MAGI2: variants seen among roughly 807,000 people sequenced by gnomAD.
MAGI2 encodes the protein membrane associated guanylate kinase, WW and PDZ domain containing 2, also known as membrane-associated guanylate kinase, WW and PDZ domain-containing protein 2.
A neutral mutation model predicts 133.3 loss-of-function variants in MAGI2; 35 were observed. The ratio of observed to expected loss-of-function variants is 0.26; its 90% CI spans 0.20 to 0.35. The LOEUF (loss-of-function observed/expected upper bound fraction) is 0.35. Among genes scored for constraint, MAGI2 ranks in the 10% least tolerant of loss-of-function variants. The pLI is 1.00. For synonymous variants in MAGI2, 729 were observed against 710.6 expected, an observed-to-expected ratio of 1.03 and a Z score of -0.41; for missense variants, 1,636 against 1,863.4, an observed-to-expected ratio of 0.88 and a Z score of 2.25.
At chr7:79,218,240 G>A (rs754929511) in intron 1 of MAGI2, among the ~76,000 whole-genome samples, 21 of 151,870 alleles carry the variant, frequency 1.4e-4, no homozygotes, top group African/African-American at 4.6e-4. Context: ...TGTTTCACAC[G>A]CCACACTGTA....
At chr7:78,545,453 C>CCACT (rs1798756004) in intron 3 of MAGI2, among the ~76,000 whole-genome samples, 1 of 151,884 alleles carries the variant, frequency 6.6e-6, no homozygotes, top group Non-Finnish European at 1.5e-5. Flanking sequence ...CCTCAGTGAT[C>CCACT]CACTCACCTC....
rs567986994 is a variant in MAGI2, at chr7:78,369,044, T to A, written c.1103+112A>T. 83 of 692,840 alleles carry A rather than the reference T, an allele frequency of 1.2e-4. No homozygotes were observed. The African/African-American group carries it at 1.5e-3, about 12-fold the overall frequency. 42.9% of individuals were successfully genotyped at this position (692,840 alleles called of 1,614,324 possible). ...GCTAGTCTTGGTGGATACTTCAAAGTAAGATGAAAGGGAAATGAAGGGGCT... is the reference window on the plus strand; with the variant it reads ...GCTAGTCTTGGTGGATACTTCAAAGAAAGATGAAAGGGAAATGAAGGGGCT... On this transcript the variant is annotated intron_variant, in intron 7 of 21. Coordinates refer to ENST00000354212, the MANE Select transcript of MAGI2 (RefSeq NM_012301.4).
intron 1 of MAGI2, among the ~76,000 whole-genome samples, chr7:79,050,203 G>A (rs950972001): frequency 6.6e-6 from 1 of 152,094 alleles, no homozygotes; most frequent in Non-Finnish European, 1.5e-5. Context: ...CCATGCACAC[G>A]TGGGGGCTGG....
chr7:78,447,645 G>T lies in MAGI2; in HGVS notation c.1045+42116C>A, dbSNP rs114072971. ...ACTAGCTCACCTGGGGACACAAACAGAGCAAAAGAGAAGAGGCCTAAGAAA... is the reference window on the plus strand; with the variant it reads ...ACTAGCTCACCTGGGGACACAAACATAGCAAAAGAGAAGAGGCCTAAGAAA... On this transcript the variant is annotated intron_variant, in intron 6 of 21. Transcript: ENST00000354212. Among the ~76,000 whole-genome samples the T allele has an allele frequency of 4.1e-3, 622 of 152,208 alleles. 6 individuals carry two copies. Among genetic ancestry groups the T allele is most frequent in the African/African-American group, 0.014 (586 of 41,548 alleles).
chr7:79,052,554 C>T (rs1260330251), intron 1 of MAGI2, among the ~76,000 whole-genome samples: 2 of 152,208 alleles, frequency 1.3e-5, no homozygotes, highest in Middle Eastern at 3.2e-3. Context: ...CCTTTCCACA[C>T]TGCATCTCAT....
At chr7:79,006,461 G>C (rs1173064868) in intron 2 of MAGI2, among the ~76,000 whole-genome samples, 1 of 152,100 alleles carries the variant, frequency 6.6e-6, no homozygotes, top group Non-Finnish European at 1.5e-5. Context: ...CAGGTGAGCT[G>C]TAACAGACAC....
At chr7:79,136,173 T>C (rs1369724879) in intron 1 of MAGI2, among the ~76,000 whole-genome samples, 1 of 151,948 alleles carries the variant, frequency 6.6e-6, no homozygotes, top group Non-Finnish European at 1.5e-5. Flanking sequence ...ACATTTAAAT[T>C]TACCAGAGGG....
At chr7:79,081,366 A>G (rs1399206938) in intron 1 of MAGI2, among the ~76,000 whole-genome samples, 1 of 152,176 alleles carries the variant, frequency 6.6e-6, no homozygotes, top group African/African-American at 2.4e-5. Flanking sequence ...GTGTTTATTT[A>G]TGCCTTCATA....
intron 2 of MAGI2, among the ~76,000 whole-genome samples, chr7:78,991,710 T>C (rs1208687846): frequency 6.6e-6 from 1 of 151,944 alleles, no homozygotes; most frequent in African/African-American, 2.4e-5. Flanking sequence ...TCCCTAATTA[T>C]CTTAGGCTCT....
intron 3 of MAGI2, among the ~76,000 whole-genome samples, chr7:78,535,155 A>G (rs1195704812): frequency 6.6e-6 from 1 of 152,186 alleles, no homozygotes; most frequent in Non-Finnish European, 1.5e-5. Flanking sequence ...AAATAAAAAA[A>G]TGAGTAAAAT....
At chr7:78,955,584 T>G (rs1802232476) in intron 2 of MAGI2, among the ~76,000 whole-genome samples, 5 of 152,056 alleles carry the variant, frequency 3.3e-5, no homozygotes, top group African/African-American at 1.2e-4. Context: ...TAGTACATAC[T>G]TTCATACTCA....
chr7:79,209,752 T>C (rs184630326), intron 1 of MAGI2, among the ~76,000 whole-genome samples: 9 of 152,164 alleles, frequency 5.9e-5, no homozygotes, highest in African/African-American at 2.2e-4. Flanking sequence ...AGAAAGTACA[T>C]TGTGCATATT....
intron 21 of MAGI2, chr7:78,039,592 C>CTT (rs1395136999): frequency 1.3e-5 from 2 of 152,342 alleles, no homozygotes; most frequent in African/African-American, 4.8e-5. Flanking sequence ...TGTGGATGAT[C>CTT]TTTCCTTTAC....
chr7:79,057,960 G>GTTTT lies in MAGI2; in HGVS notation c.302-50758_302-50755dup, dbSNP rs34071701. 4.2e-3 allele frequency among the ~76,000 whole-genome samples: 613 copies of GTTTT among 145,852 alleles called. 7 individuals carry two copies. Among genetic ancestry groups the GTTTT allele is most frequent in the African/African-American group, 0.014 (558 of 40,208 alleles). On this transcript the variant is annotated intron_variant, in intron 1 of 21. Transcript: ENST00000354212. Reference sequence around the variant, plus strand: ...TCCTGCCCAGAAAGGGGCTCTATTAGTTTTTTTTTTTTTTAGTCACATAGA... The same window carrying GTTTT: ...TCCTGCCCAGAAAGGGGCTCTATTAGTTTTTTTTTTTTTTTTTTAGTCACATAGA...
At chr7:79,220,955 G>T (rs1830404055) in intron 1 of MAGI2, among the ~76,000 whole-genome samples, 1 of 151,958 alleles carries the variant, frequency 6.6e-6, no homozygotes, top group Non-Finnish European at 1.5e-5. Context: ...GGTCATCCTG[G>T]AGCTTAAAAT....
chr7:78,463,401 T>C (rs1010004497), intron 6 of MAGI2, among the ~76,000 whole-genome samples: 1 of 152,216 alleles, frequency 6.6e-6, no homozygotes, highest in African/African-American at 2.4e-5. Flanking sequence ...GATAGGATGT[T>C]AAAAGAACCA....
intron 2 of MAGI2, among the ~76,000 whole-genome samples, chr7:78,655,402 C>CA (rs1288779355): frequency 1.3e-3 from 68 of 50,732 alleles, no homozygotes; most frequent in African/African-American, 5.0e-3. Flanking sequence ...TTGGCTTATA[C>CA]AAAAAACAAA....
chr7:79,131,875 T>C (rs1428136713), intron 1 of MAGI2, among the ~76,000 whole-genome samples: 1 of 152,068 alleles, frequency 6.6e-6, no homozygotes, highest in Non-Finnish European at 1.5e-5. Context: ...GCCGTACCCT[T>C]TCAAATAAAA....
chr7:79,286,258 T>C (rs1202891732), intron 1 of MAGI2, among the ~76,000 whole-genome samples: 1 of 152,064 alleles, frequency 6.6e-6, no homozygotes, highest in Non-Finnish European at 1.5e-5. Context: ...AAGTCTTTAG[T>C]GTATGCCTTG....
Sources: gnomAD v4.1 joint callset for allele counts (sites outside exome capture counted in the v4.1 genomes callset) on GRCh38, gnomAD v4.1.1 for gene constraint, MANE v1.5 for transcripts, NCBI Gene and HGNC (gene_info 2026-07-23, HGNC 2026-07-21) for gene names.